The following POU2AF1 variants were observed in gnomAD, a reference collection of about 807,000 sequenced individuals.
POU2AF1 encodes the protein POU domain class 2-associating factor 1.
POU2AF1 carries 12 observed loss-of-function variants against 26.3 expected under a neutral mutation model. The observed-to-expected ratio is 0.46, with a 90% CI of 0.29 to 0.74. The LOEUF (loss-of-function observed/expected upper bound fraction) is 0.74, where lower values mean the gene tolerates loss of function less well. POU2AF1 is among the 30% of genes least tolerant of loss of function. The pLI is 0.09. For synonymous variants in POU2AF1, 175 were observed against 148.0 expected, an observed-to-expected ratio of 1.18 and a Z score of -1.32; for missense variants, 297 against 334.5, an observed-to-expected ratio of 0.89 and a Z score of 0.87.
chr11:111,367,443 A>T (rs896004922), intron 1 of POU2AF1, among the ~76,000 whole-genome samples: 2 of 152,036 alleles, frequency 1.3e-5, no homozygotes, highest in Admixed American at 6.6e-5. Flanking sequence ...CTTTACCGAG[A>T]AGGAAATTGA....
At chr11:111,358,944 C>T (rs1860950861) in intron 1 of POU2AF1, 26 bp from the exon 2 acceptor site, 1 of 1,585,280 alleles carries the variant, frequency 6.3e-7, no homozygotes. Context: ...TCCCTGGAGC[C>T]CATGGTCCTT....
intron 1 of POU2AF1, among the ~76,000 whole-genome samples, chr11:111,372,051 C>G (rs200072401): frequency 0.34 from 34,260 of 100,900 alleles, 5,257 homozygotes; most frequent in Admixed American, 0.47. Flanking sequence ...CACACACACA[C>G]ACACACACAC....
chr11:111,368,114 C>CA (rs1157839185), intron 1 of POU2AF1, among the ~76,000 whole-genome samples: 2 of 152,152 alleles, frequency 1.3e-5, no homozygotes, highest in Admixed American at 6.5e-5. Context: ...ATTGCACAAA[C>CA]AAATTTAGAA....
intron 1 of POU2AF1, among the ~76,000 whole-genome samples, chr11:111,364,510 G>T (rs1861068227): frequency 6.6e-6 from 1 of 152,160 alleles, no homozygotes; most frequent in Admixed American, 6.5e-5. Context: ...AACACCTAGG[G>T]CCTGGTCAAT....
chr11:111,358,671 AACACATACACAC>A (rs1860937552), intron 2 of POU2AF1, 105 bp downstream of exon 2: 2 of 1,249,786 alleles, frequency 1.6e-6, no homozygotes, highest in Admixed American at 4.2e-5. Flanking sequence ...ATCACACACA[AACACATACACAC>A]ACGCATACAC....
At chr11:111,359,141 TA>T (rs1402382198) in intron 1 of POU2AF1, 6 of 708,754 alleles carry the variant, frequency 8.5e-6, no homozygotes, top group African/African-American at 7.2e-5. Context: ...CTCCTTGTCC[TA>T]GAATTGGACA....
chr11:111,356,003 C>T (rs1003938489), intron 4 of POU2AF1, among the ~76,000 whole-genome samples: 2 of 152,218 alleles, frequency 1.3e-5, no homozygotes, highest in African/African-American at 4.8e-5. Context: ...TACTTCCACT[C>T]AGCACACAGC....
chr11:111,358,709 TACACTCTC>T, intron 2 of POU2AF1, 71 bp downstream of exon 2: 2 of 1,464,080 alleles, frequency 1.4e-6, no homozygotes, highest in South Asian at 2.4e-5. Flanking sequence ...CACACACACA[TACACTCTC>T]ACACTATCCC....
chr11:111,372,055 C>CAGAGAGAGAGAGAGAGAG (rs1469970188), intron 1 of POU2AF1, among the ~76,000 whole-genome samples: 10 of 137,604 alleles, frequency 7.3e-5, no homozygotes, highest in African/African-American at 2.9e-4. Flanking sequence ...CACACACACA[C>CAGAGAGAGAGAGAGAGAG]ACACACACAC....
intron 2 of POU2AF1, among the ~76,000 whole-genome samples, chr11:111,358,295 C>A (rs529546730): frequency 6.6e-6 from 1 of 152,022 alleles, no homozygotes; most frequent in African/African-American, 2.4e-5. Context: ...CATTCTCACA[C>A]AAACACACAC....
chr11:111,358,069 A>AG lies in POU2AF1; in HGVS notation c.148-233dup, dbSNP rs1447425038. Among the ~76,000 whole-genome samples the AG allele has an allele frequency of 1.6e-4, 24 of 152,106 alleles. No homozygotes were observed. The East Asian group carries it at 2.1e-3, about 13-fold the overall frequency. On this transcript the variant is annotated intron_variant, in intron 2 of 4. Coordinates refer to ENST00000393067, the MANE Select transcript of POU2AF1 (RefSeq NM_006235.3). The stretch of plus-strand genomic sequence containing the variant: ...AGGGAGCTGGTGTCTTCTTCTTCTC[A>AG]GGGGGGGCCCCCAACTCACACCAGG...
At chr11:111,373,294 T>G (rs2098237427) in intron 1 of POU2AF1, among the ~76,000 whole-genome samples, 1 of 152,206 alleles carries the variant, frequency 6.6e-6, no homozygotes, top group Non-Finnish European at 1.5e-5. Flanking sequence ...GCCCAAAGGT[T>G]TATTAGAAGC....
intron 1 of POU2AF1, among the ~76,000 whole-genome samples, chr11:111,371,154 A>G (rs77805461): frequency 0.015 from 2,306 of 152,282 alleles, 20 homozygotes; most frequent in Admixed American, 0.023. Flanking sequence ...CTGTCTTCCA[A>G]TGAAATGTAT....
At chr11:111,363,364 G>T (rs184813849) in intron 1 of POU2AF1, 1 of 1,021,112 alleles carries the variant, frequency 9.8e-7, no homozygotes, top group Non-Finnish European at 1.2e-6. Context: ...GCTTCAAGAC[G>T]ATTCCAAAGG....
intron 1 of POU2AF1, among the ~76,000 whole-genome samples, chr11:111,365,428 T>A (rs546921823): frequency 6.6e-6 from 1 of 152,130 alleles, no homozygotes; most frequent in Non-Finnish European, 1.5e-5. Context: ...TAAAAGCCCC[T>A]AGCCCAGAAG....
chr11:111,362,005 T>C (rs1861018404), intron 1 of POU2AF1, among the ~76,000 whole-genome samples: 1 of 152,172 alleles, frequency 6.6e-6, no homozygotes, highest in African/African-American at 2.4e-5. Context: ...GGTGAGTCAC[T>C]CTTGCACAAG....
chr11:111,354,405 G>A lies in POU2AF1; in HGVS notation c.627C>T (p.Pro209=), dbSNP rs750738255. 69 of 1,614,190 alleles carry A rather than the reference G, an allele frequency of 4.3e-5. 1 individual carries two copies. The South Asian group carries it at 7.5e-4, about 17-fold the overall frequency. ...ALPGPQFVQL[P]ISIPEPVLQD... ...GAAGGACTGGCTCTGGGATAGAGATGGGGAGCTGGACAAACTGGGGCCCAG... is the reference window on the plus strand; with the variant it reads ...GAAGGACTGGCTCTGGGATAGAGATAGGGAGCTGGACAAACTGGGGCCCAG... Residue 209 remains proline, a synonymous_variant, in exon 5 of 5, where the codon CCC becomes CCT. Transcript: ENST00000393067.
At chr11:111,368,868 G>A (rs1861155829) in intron 1 of POU2AF1, among the ~76,000 whole-genome samples, 1 of 152,222 alleles carries the variant, frequency 6.6e-6, no homozygotes, top group South Asian at 2.1e-4. Flanking sequence ...AACACCTGGT[G>A]CATAATGAGC....
intron 1 of POU2AF1, among the ~76,000 whole-genome samples, chr11:111,360,326 C>G (rs2135118379): frequency 6.6e-6 from 1 of 152,320 alleles, no homozygotes; most frequent in South Asian, 2.1e-4. Context: ...ATCTGTTAAA[C>G]CCGGATCTGC....
Sources: allele counts gnomAD v4.1 joint callset (sites outside exome capture counted in the v4.1 genomes callset), GRCh38; gene constraint gnomAD v4.1.1; transcripts MANE v1.5; gene names NCBI Gene and HGNC (gene_info 2026-07-23, HGNC 2026-07-21).